RXRA: variants seen among roughly 807,000 people sequenced by gnomAD.
RXRA encodes retinoid X receptor alpha, also known as retinoic acid receptor RXR-alpha.
Under a neutral mutation model 44.5 loss-of-function variants are expected in RXRA, and 5 were observed. The ratio of observed to expected loss-of-function variants is 0.11; its 90% CI spans 0.06 to 0.24. RXRA has a LOEUF of 0.24. RXRA is among the 10% of genes least tolerant of loss of function. The pLI, the probability that RXRA is intolerant of heterozygous loss-of-function variation, is 1.00. For synonymous variants in RXRA, 291 were observed against 271.4 expected (o/e 1.07, Z -0.71); for missense variants, 412 against 646.5 (o/e 0.64, Z 3.93).
intron 6 of RXRA, chr9:134,422,676 C>T (rs934135596): frequency 1.4e-5 from 14 of 984,912 alleles, no homozygotes; most frequent in East Asian, 1.1e-4. Context: ...TCCCCACTCC[C>T]GGGACACTCC....
In RXRA at chr9:134,408,922, C is replaced by T. The variant is rs1418359955; in HGVS notation, c.431-18C>T. Reference sequence around the variant, plus strand: ...GGGCGGTGGGTGCTCCCCAGCCCTGCTCTGCCCTGTCCCGCAGGCAAGCAC... The same window carrying T: ...GGGCGGTGGGTGCTCCCCAGCCCTGTTCTGCCCTGTCCCGCAGGCAAGCAC... On this transcript the variant is annotated intron_variant, in intron 3 of 9. Transcript: ENST00000481739. The T allele has an allele frequency of 2.0e-6, 3 of 1,504,524 alleles. No homozygotes were observed. Among genetic ancestry groups the T allele is most frequent in the Non-Finnish European group, 1.8e-6 (2 of 1,122,332 alleles). 93.2% of individuals were successfully genotyped at this position (1,504,524 alleles called of 1,614,324 possible).
At position 134,419,739 on chromosome 9, in the gene RXRA, C is replaced by CT. The variant is rs1280790921; in HGVS notation, c.781-1934dup. Among the ~76,000 whole-genome samples, 4 of 152,328 alleles carry CT rather than the reference C, an allele frequency of 2.6e-5. No individual in the cohort carries two copies. The East Asian group carries it at 7.7e-4, about 29-fold the overall frequency. On this transcript the variant is annotated intron_variant, in intron 5 of 9. Transcript: ENST00000481739. ...AATGGGAGGCTCACAGAGGTTAATC[C>CT]TTTCCCCAGGCCACACAGGGAGGTG...
Position 134,436,746 on chromosome 9 carries a change from C to T in RXRA, c.*132C>T. 1 of 946,192 alleles carries T rather than the reference C, an allele frequency of 1.1e-6. No individual in the cohort carries two copies. Among genetic ancestry groups the T allele is most frequent in the Non-Finnish European group, 1.6e-6 (1 of 629,850 alleles). The allele number at this position is 946,192 out of a possible 1,614,324, so 58.6% of individuals were successfully genotyped here. A position where few individuals can be genotyped will look rare whatever the true frequency, so the allele number is the denominator to read the frequency against. On this transcript the variant is annotated 3_prime_UTR_variant, in exon 10 of 10. Transcript: ENST00000481739. ...TTGGACTTTGGGGCACAGCCTGTCA[C>T]TGCTCTGCCTAAGAGATGTGTTGTC...
At chr9:134,386,932 G>T (rs998528394) in intron 1 of RXRA, among the ~76,000 whole-genome samples, 6 of 152,198 alleles carry the variant, frequency 3.9e-5, no homozygotes, top group African/African-American at 1.2e-4. Context: ...CTGGGTTGTG[G>T]CAGGGACTTG....
At chr9:134,432,899 GC>G (rs1831555040) in intron 8 of RXRA, among the ~76,000 whole-genome samples, 1 of 152,194 alleles carries the variant, frequency 6.6e-6, no homozygotes, top group South Asian at 2.1e-4. Context: ...GCCACAGGGA[GC>G]CAAGTCCTGA....
At chr9:134,380,852 G>T (rs1015192877) in intron 1 of RXRA, among the ~76,000 whole-genome samples, 2 of 152,292 alleles carry the variant, frequency 1.3e-5, no homozygotes, top group South Asian at 4.1e-4. Context: ...TGAGCTGCAG[G>T]CAGACGGCAC....
chr9:134,341,218 T>C (rs1444513894), intron 1 of RXRA, among the ~76,000 whole-genome samples: 1 of 152,206 alleles, frequency 6.6e-6, no homozygotes, highest in Non-Finnish European at 1.5e-5. Context: ...ACCCCAGTGC[T>C]GATGAGGAGG....
Position 134,341,845 on chromosome 9 carries a change from G to A in RXRA, c.28+15186G>A, listed in dbSNP as rs529550307. 5.9e-5 allele frequency among the ~76,000 whole-genome samples: 9 copies of A among 152,312 alleles called. No homozygotes were observed. In the South Asian group the frequency reaches 6.2e-4, roughly 11 times the overall value. The stretch of plus-strand genomic sequence containing the variant: ...AGTTTGGGAGGTAGAGGCACTGGGC[G>A]GTGTGGTCTTGGAGCTGGGTGCGTG... On this transcript the variant is annotated intron_variant, in intron 1 of 9. Coordinates refer to ENST00000481739, the MANE Select transcript of RXRA (RefSeq NM_002957.6).
At chr9:134,335,372 A>G (rs1284837617) in intron 1 of RXRA, among the ~76,000 whole-genome samples, 10 of 152,194 alleles carry the variant, frequency 6.6e-5, no homozygotes, top group African/African-American at 2.4e-4. Flanking sequence ...AGGGATGAGT[A>G]GGAGTTTGTT....
intron 1 of RXRA, among the ~76,000 whole-genome samples, chr9:134,396,307 C>T (rs1312188384): frequency 6.6e-6 from 1 of 152,152 alleles, no homozygotes; most frequent in African/African-American, 2.4e-5. Context: ...TCCTCTTCCT[C>T]CTACACTAAC....
At position 134,433,550 on chromosome 9, in the gene RXRA, C is replaced by T. The variant is rs36042338; in HGVS notation, c.1136-552C>T. 2.2e-3 allele frequency among the ~76,000 whole-genome samples: 333 copies of T among 152,130 alleles called. No individual in the cohort carries two copies. Among genetic ancestry groups the T allele is most frequent in the African/African-American group, 7.9e-3 (327 of 41,488 alleles). On this transcript the variant is annotated intron_variant, in intron 8 of 9. Coordinates refer to ENST00000481739, the MANE Select transcript of RXRA (RefSeq NM_002957.6). The surrounding 1 kb of genome is among the most constrained non-coding windows in gnomAD (Gnocchi z 4.2). ...GCCAAGGTGGCATTCACAGGGGGTC[C>T]CTGGGCCTTGGAGGTTTTGGTGGCT...
At chr9:134,370,587 G>A (rs1830479377) in intron 1 of RXRA, among the ~76,000 whole-genome samples, 1 of 152,260 alleles carries the variant, frequency 6.6e-6, no homozygotes, top group South Asian at 2.1e-4. Context: ...GCCTGGTCAT[G>A]CCAGGGCCTT....
At chr9:134,370,609 G>C (rs968735998) in intron 1 of RXRA, among the ~76,000 whole-genome samples, 7 of 152,258 alleles carry the variant, frequency 4.6e-5, no homozygotes, top group Admixed American at 1.3e-4. Flanking sequence ...CAGGGTTTCA[G>C]AGTGCTGCCT....
intron 1 of RXRA, among the ~76,000 whole-genome samples, chr9:134,347,390 C>T (rs558354229): frequency 3.9e-5 from 6 of 152,354 alleles, no homozygotes; most frequent in Non-Finnish European, 7.3e-5. Context: ...TTTGTCTCTG[C>T]GCCCTGAGTG....
At chr9:134,392,816 TG>T (rs1292888431) in intron 1 of RXRA, among the ~76,000 whole-genome samples, 1 of 152,082 alleles carries the variant, frequency 6.6e-6, no homozygotes, top group African/African-American at 2.4e-5. Context: ...ACCTTGGGGA[TG>T]GGCGTCCCTT....
rs557139451 is a variant in RXRA at position 134,422,381 on chromosome 9, C to G, written c.910+576C>G. ...ACTCCCCGCTACCGGGACACTCCCCCCTCCCGGGACACTCCCCCGTCCCGT... is the reference window on the plus strand; with the variant it reads ...ACTCCCCGCTACCGGGACACTCCCCGCTCCCGGGACACTCCCCCGTCCCGT... On this transcript the variant is annotated intron_variant, in intron 6 of 9. Coordinates refer to ENST00000481739, the MANE Select transcript of RXRA (RefSeq NM_002957.6). 1.1e-4 allele frequency: 143 copies of G among 1,269,320 alleles called. 2 individuals carry two copies. In the East Asian group the frequency reaches 6.6e-3, roughly 59 times the overall value. The allele number at this position is 1,269,320 out of a possible 1,614,324, so 78.6% of individuals were successfully genotyped here.
At chr9:134,402,653 C>G (rs1675855653) in intron 2 of RXRA, 1 of 151,566 alleles carries the variant, frequency 6.6e-6, no homozygotes, top group South Asian at 2.1e-4. Flanking sequence ...TGGAGTTGTT[C>G]CCAGCCCTGG....
At chr9:134,345,830 T>C (rs1830143641) in intron 1 of RXRA, among the ~76,000 whole-genome samples, 1 of 152,204 alleles carries the variant, frequency 6.6e-6, no homozygotes, top group Non-Finnish European at 1.5e-5. Flanking sequence ...CATTCATGAC[T>C]AAACACGTGT....
intron 1 of RXRA, among the ~76,000 whole-genome samples, chr9:134,341,608 G>A (rs572609275): frequency 5.9e-5 from 9 of 152,392 alleles, no homozygotes; most frequent in African/African-American, 2.4e-5. Context: ...CTTGGAGGAG[G>A]CGTGGGCATG....
Sources: gnomAD v4.1 joint callset for allele counts (sites outside exome capture counted in the v4.1 genomes callset) on GRCh38, gnomAD v4.1.1 for gene constraint, Gnocchi (gnomAD v3.1) non-coding constraint, MANE v1.5 for transcripts, NCBI Gene and HGNC (gene_info 2026-07-23, HGNC 2026-07-21) for gene names.